The following PRMT1 variants were observed in gnomAD, a reference collection of about 807,000 sequenced individuals.
The protein encoded by PRMT1 is protein arginine N-methyltransferase 1.
In PRMT1, 5 loss-of-function variants were observed where a neutral mutation model predicts 47.4. The ratio of observed to expected loss-of-function variants is 0.11; its 90% confidence interval spans 0.06 to 0.22. The LOEUF (loss-of-function observed/expected upper bound fraction) is 0.22, where lower values mean the gene tolerates loss of function less well. Ranked by LOEUF, PRMT1 falls within the 10% of genes least tolerant of loss-of-function variation. PRMT1 has a pLI of 1.00. For missense variants in PRMT1, 249 were observed against 518.4 expected (o/e 0.48, Z 5.05); for synonymous variants, 227 against 204.6 (o/e 1.11, Z -0.94).
intron 5 of PRMT1, chr19:49,683,690 A>G: frequency 4.1e-6 from 1 of 242,832 alleles, no homozygotes; most frequent in Non-Finnish European, 7.7e-6. Flanking sequence ...TCCGTCTCAA[A>G]AAAAAAAAAA....
At position 49,681,540 on chromosome 19, in the gene PRMT1, C is replaced by A. The variant is rs904798387; in HGVS notation, c.193-370C>A. 6.6e-6 allele frequency among the ~76,000 whole-genome samples: 1 copy of A among 151,998 alleles called. No homozygotes were observed. The highest frequency in any genetic ancestry group is 1.5e-5 in the Non-Finnish European group (1 of 68,006). On this transcript the variant is annotated intron_variant, in intron 3 of 10. Coordinates refer to ENST00000454376, the MANE Select transcript of PRMT1 (RefSeq NM_001536.6). The surrounding 1 kb of genome is among the most constrained non-coding windows in gnomAD (Gnocchi z 4.4). ...ATCACCTGAGGTCAGGAGTTGAAGACCAACCTGGGCAATATGGTGAAACCC... is the reference window on the plus strand; with the variant it reads ...ATCACCTGAGGTCAGGAGTTGAAGAACAACCTGGGCAATATGGTGAAACCC...
In PRMT1 at chr19:49,683,967, C is replaced by G. The variant is rs1050539707; in HGVS notation, c.453C>G (p.Leu151=). The change falls in exon 6 of 11, where the codon CTC becomes CTG. Residue 151 remains leucine (L), a synonymous_variant. Coordinates refer to ENST00000454376, the MANE Select transcript of PRMT1 (RefSeq NM_001536.6). Reference sequence around the variant, plus strand: ...AGGGGAAGGTGGAGGAGGTGGAGCTCCCAGTGGAGAAGGTGGACATCATCA... The same window carrying G: ...AGGGGAAGGTGGAGGAGGTGGAGCTGCCAGTGGAGAAGGTGGACATCATCA... ...IIKGKVEEVE[L]PVEKVDIIIS... 9.9e-6 allele frequency: 16 copies of G among 1,613,774 alleles called. No homozygotes were observed. The highest frequency in any genetic ancestry group is 1.7e-5 in the Admixed American group (1 of 59,950).
rs1032693443 is a variant in PRMT1, at chr19:49,687,818, A to G, written c.1033-344A>G. 3.0e-5 allele frequency: 11 copies of G among 371,490 alleles called. No homozygotes were observed. In the Admixed American group the frequency reaches 3.6e-4, roughly 12 times the overall value. 23.0% of individuals were successfully genotyped at this position (371,490 alleles called of 1,614,324 possible). On this transcript the variant is annotated intron_variant, in intron 10 of 10. Coordinates refer to ENST00000454376, the MANE Select transcript of PRMT1 (RefSeq NM_001536.6). ...GGCTGGACCATTGTGTTTCACTGGA[A>G]CGTTTGCCTGAGGAGGAAGTGGGCT... is the stretch of plus-strand genomic sequence containing the variant.
In PRMT1 at chr19:49,680,652, A is replaced by T; in HGVS notation, c.192+64A>T. 7.4e-7 allele frequency: 1 copy of T among 1,352,324 alleles called. No individual in the cohort carries two copies. Among genetic ancestry groups the T allele is most frequent in the Non-Finnish European group, 1.1e-6 (1 of 946,222 alleles). The allele number at this position is 1,352,324 out of a possible 1,614,324, so 83.8% of individuals were successfully genotyped here. On this transcript the variant is annotated intron_variant, in intron 3 of 10. Transcript: ENST00000454376. This position sits in a 1 kb window ranked among gnomAD's most constrained non-coding sequence, Gnocchi z 4.2. Reference sequence around the variant, plus strand: ...GGCTTAAATGTTGGGGAAGGGGTGGAACCTGTTTTCCCACGCATGCGCACT... The same window carrying T: ...GGCTTAAATGTTGGGGAAGGGGTGGTACCTGTTTTCCCACGCATGCGCACT...
chr19:49,680,650 G>T lies in PRMT1; in HGVS notation c.192+62G>T. ...GGGGCTTAAATGTTGGGGAAGGGGT[G>T]GAACCTGTTTTCCCACGCATGCGCA... On this transcript the variant is annotated intron_variant, in intron 3 of 10. Coordinates refer to ENST00000454376, the MANE Select transcript of PRMT1 (RefSeq NM_001536.6). This position sits in a 1 kb window ranked among gnomAD's most constrained non-coding sequence, Gnocchi z 4.2. 1 of 1,370,970 alleles carries T rather than the reference G, an allele frequency of 7.3e-7. No individual in the cohort carries two copies. The highest frequency in any genetic ancestry group is 1.0e-6 in the Non-Finnish European group (1 of 962,820). The allele number at this position is 1,370,970 out of a possible 1,614,324, so 84.9% of individuals were successfully genotyped here. A position where few individuals can be genotyped will look rare whatever the true frequency, so the allele number is the denominator to read the frequency against.
chr19:49,679,952 C>T (rs1344942169), intron 2 of PRMT1, 27 bp downstream of exon 2: 2 of 1,585,128 alleles, frequency 1.3e-6, no homozygotes, highest in African/African-American at 1.3e-5. Flanking sequence ...GAGACCCCTC[C>T]CCACCCTGAC....
In PRMT1 at chr19:49,688,350, G is replaced by A. The variant is rs2082243424; in HGVS notation, c.*105G>A. The A allele has an allele frequency of 9.0e-7, 1 of 1,110,870 alleles. No homozygotes were observed. Among genetic ancestry groups the A allele is most frequent in the African/African-American group, 1.5e-5 (1 of 64,916 alleles). The allele number at this position is 1,110,870 out of a possible 1,614,324, so 68.8% of individuals were successfully genotyped here. A position where few individuals can be genotyped will look rare whatever the true frequency, so the allele number is the denominator to read the frequency against. On this transcript the variant is annotated 3_prime_UTR_variant, in exon 11 of 11. Coordinates refer to ENST00000454376, the MANE Select transcript of PRMT1 (RefSeq NM_001536.6). This position sits in a 1 kb window ranked among gnomAD's most constrained non-coding sequence, Gnocchi z 5.3. ...CCTCCCGCAGAAGGGGGTTTTAGGG[G>A]CCTGGGCTGGGGGGATGGGGAGGGC...
chr19:49,679,923 G>A lies in PRMT1; in HGVS notation c.88G>A (p.Glu30Lys). ...GATGAGCCTCCAGCCGCCTCTTGAA[G>A]AAGTAAATATCCTTTTGTGAGACCC... ...NGMSLQPPLE[E>K]VSCGQAESSE... is the part of the protein sequence containing the mutation. The change falls in exon 2 of 11, where the codon GAA becomes AAA. Residue 30 changes from glutamate to lysine, a missense_variant and splice_region_variant. Glu to Lys is a moderately conservative substitution (Grantham distance 56). Coordinates refer to ENST00000454376, the MANE Select transcript of PRMT1 (RefSeq NM_001536.6). 6.2e-7 allele frequency: 1 copy of A among 1,611,726 alleles called. No homozygotes were observed. Among genetic ancestry groups the A allele is most frequent in the African/African-American group, 1.3e-5 (1 of 74,934 alleles).
At chr19:49,686,580 C>T (rs2082208426) in intron 9 of PRMT1, 25 bp from the exon 10 acceptor site, 1 of 1,603,056 alleles carries the variant, frequency 6.2e-7, no homozygotes. Context: ...CAGGCCGAGG[C>T]CGGCTGACCC....
At chr19:49,676,832 C>A (rs1056590580), upstream of PRMT1, among the ~76,000 whole-genome samples, 1 of 152,226 alleles carries the variant, frequency 6.6e-6, no homozygotes, top group African/African-American at 2.4e-5. Flanking sequence ...CCAAAGGCTG[C>A]GTGACGTCGC....
intron 5 of PRMT1, 95 bp downstream of exon 5, chr19:49,682,354 C>T (rs1243570697): frequency 3.0e-6 from 4 of 1,339,726 alleles, no homozygotes; most frequent in Non-Finnish European, 4.2e-6. Context: ...TACAGATGAC[C>T]ACAGATTCAG....
intron 5 of PRMT1, 92 bp downstream of exon 5, chr19:49,682,351 G>A: frequency 7.3e-7 from 1 of 1,363,914 alleles, no homozygotes; most frequent in Non-Finnish European, 1.0e-6. Context: ...GTCTACAGAT[G>A]ACCACAGATT....
intron 1 of PRMT1, chr19:49,678,098 T>G (rs1599935334): frequency 6.6e-6 from 1 of 151,692 alleles, no homozygotes; most frequent in African/African-American, 2.4e-5. Context: ...CATTTCTGGG[T>G]GTGTGGGAGG....
chr19:49,677,255 C>A (rs776072310), upstream of PRMT1: 14 of 1,417,344 alleles, frequency 9.9e-6, no homozygotes, highest in African/African-American at 1.5e-5. Context: ...TCTTGGCGGC[C>A]GGAGGAGGAG....
intron 1 of PRMT1, among the ~76,000 whole-genome samples, chr19:49,677,938 G>A (rs1361503625): frequency 6.6e-6 from 1 of 152,120 alleles, no homozygotes; most frequent in Non-Finnish European, 1.5e-5. Flanking sequence ...GTCCCCCGCC[G>A]ACCCCGTTTC....
At chr19:49,682,332 A>ACCCCACT in intron 5 of PRMT1, 73 bp downstream of exon 5, 3 of 1,492,794 alleles carry the variant, frequency 2.0e-6, no homozygotes, top group Non-Finnish European at 2.8e-6. Flanking sequence ...CCCTCTGAAG[A>ACCCCACT]GCAGTGGGGT....
rs2082191521 is a variant in PRMT1, at chr19:49,685,505, GT to G, written c.759+474del. ...AGCTTTGGTGACAATGTTTTGTTTT[GT>G]TTTTTCCTTTTGTTTTTTTTTACTT... On this transcript the variant is annotated intron_variant, in intron 8 of 10. Coordinates refer to ENST00000454376, the MANE Select transcript of PRMT1 (RefSeq NM_001536.6). The surrounding 1 kb of genome is among the most constrained non-coding windows in gnomAD (Gnocchi z 4.7). The G allele has an allele frequency of 1.8e-5, 18 of 1,015,816 alleles. No homozygotes were observed. Among genetic ancestry groups the G allele is most frequent in the Non-Finnish European group, 2.0e-5 (17 of 848,556 alleles). 62.9% of individuals were successfully genotyped at this position (1,015,816 alleles called of 1,614,324 possible).
Position 49,685,597 on chromosome 19 carries a change from G to A in PRMT1, c.760-496G>A, listed in dbSNP as rs1160980123. The stretch of plus-strand genomic sequence containing the variant: ...TTTGTTGAGCTGGGATGTGTGAGCC[G>A]GGTGAAGCTGGGTGGCTGACCGGGG... On this transcript the variant is annotated intron_variant, in intron 8 of 10. Coordinates refer to ENST00000454376, the MANE Select transcript of PRMT1 (RefSeq NM_001536.6). The surrounding 1 kb of genome is among the most constrained non-coding windows in gnomAD (Gnocchi z 4.7). 8.8e-6 allele frequency: 9 copies of A among 1,017,648 alleles called. No homozygotes were observed. In the Admixed American group the frequency reaches 1.6e-4, roughly 18 times the overall value. 63.0% of individuals were successfully genotyped at this position (1,017,648 alleles called of 1,614,324 possible). A position where few individuals can be genotyped will look rare whatever the true frequency, so the allele number is the denominator to read the frequency against.
At position 49,677,290 on chromosome 19, in the gene PRMT1, G is replaced by A. The variant is rs779115593; in HGVS notation, c.10G>A (p.Ala4Thr). Residue 4 changes from alanine (A) to threonine (T), a missense_variant, in exon 1 of 11, where the codon GCC becomes ACC. This residue lies in a region of PRMT1 where 59 missense variants were observed against 61.7 expected (regional missense o/e 0.96). Transcript: ENST00000454376. Reference sequence around the variant, plus strand: ...GTAGGTGCGGGTGAAGATGGCGGCAGCCGAGGCCGCGAACTGCATCATGGA... The same window carrying A: ...GTAGGTGCGGGTGAAGATGGCGGCAACCGAGGCCGCGAACTGCATCATGGA... MAA[A>T]EAANCIMENF... The A allele has an allele frequency of 2.1e-6, 3 of 1,414,756 alleles. No individual in the cohort carries two copies. The South Asian group carries it at 4.9e-5, about 23-fold the overall frequency. The allele number at this position is 1,414,756 out of a possible 1,614,324, so 87.6% of individuals were successfully genotyped here.
Sources: gnomAD v4.1 joint callset for allele counts (sites outside exome capture counted in the v4.1 genomes callset) on GRCh38, gnomAD v4.1.1 for gene constraint, gnomAD v4.1.1 regional missense constraint, Gnocchi (gnomAD v3.1) non-coding constraint, MANE v1.5 for transcripts, NCBI Gene and HGNC (gene_info 2026-07-23, HGNC 2026-07-21) for gene names.